Variants in DMXL1 observed in about 807,000 individuals in gnomAD.
The protein encoded by DMXL1 is dmX-like protein 1.
A neutral mutation model predicts 319.2 loss-of-function variants in DMXL1; 99 were observed. The ratio of observed to expected loss-of-function variants is 0.31; its 90% CI spans 0.26 to 0.37. The LOEUF (loss-of-function observed/expected upper bound fraction) is 0.37. DMXL1 is among the 10% of genes least tolerant of loss of function. The pLI is 1.00. For synonymous variants in DMXL1, 1,385 were observed against 1,235.2 expected (o/e 1.12, Z -2.54); for missense variants, 3,745 against 3,595.6 (o/e 1.04, Z -1.06).
In DMXL1 at chr5:119,197,898, G is replaced by T; in HGVS notation, c.7687G>T (p.Ala2563Ser). ...TCATACCGCCGAAGAGAGTTTGTCT[G>T]CAGGTCCTGCAATTCTTCGCCACAA... Reference protein sequence around the residue: ...ASHTAEESLSAGPAILRHKAL... With the variant: ...ASHTAEESLSSGPAILRHKAL... Residue 2563 changes from alanine (A) to serine (S), a missense_variant, in exon 32 of 44, where the codon GCA becomes TCA. By Grantham distance (99) the Ala-to-Ser change is moderately conservative (BLOSUM62 1). This residue lies in a region of DMXL1 where 1,382 missense variants were observed against 1,269.5 expected (regional missense o/e 1.09). Coordinates refer to ENST00000539542, the MANE Select transcript of DMXL1 (RefSeq NM_001290321.3). 1.2e-6 allele frequency: 2 copies of T among 1,614,192 alleles called. No individual in the cohort carries two copies. The highest frequency in any genetic ancestry group is 1.7e-6 in the Non-Finnish European group (2 of 1,180,030).
rs763567401 is a variant in DMXL1 at position 119,197,907 on chromosome 5, G to T, written c.7696G>T (p.Ala2566Ser). ...CGAAGAGAGTTTGTCTGCAGGTCCT[G>T]CAATTCTTCGCCACAAAGCTTTACT... ...TAEESLSAGP[A>S]ILRHKALLEP... Residue 2566 changes from alanine to serine, a missense_variant, in exon 32 of 44, where the codon GCA becomes TCA. By Grantham distance (99) the Ala-to-Ser change is moderately conservative. This residue lies in a region of DMXL1 where 1,382 missense variants were observed against 1,269.5 expected (regional missense o/e 1.09). Transcript: ENST00000539542. The T allele has an allele frequency of 1.2e-6, 2 of 1,614,148 alleles. No homozygotes were observed. The highest frequency in any genetic ancestry group is 1.7e-6 in the Non-Finnish European group (2 of 1,180,022).
Position 119,089,999 on chromosome 5 carries a change from C to CTTTTTTTT in DMXL1, c.88-7949_88-7942dup, listed in dbSNP as rs70982467. On this transcript the variant is annotated intron_variant, in intron 1 of 43. Coordinates refer to ENST00000539542, the MANE Select transcript of DMXL1 (RefSeq NM_001290321.3). ...TGATTATTTTATGCTTCGGGTTAGT[C>CTTTTTTTT]TTTTTTTTTTTTTTTTTTTTTTTTT... is the stretch of plus-strand genomic sequence containing the variant. Among the ~76,000 whole-genome samples, 151 of 34,396 alleles carry CTTTTTTTT rather than the reference C, an allele frequency of 4.4e-3. 50 individuals carry two copies. Among genetic ancestry groups the CTTTTTTTT allele is most frequent in the East Asian group, 7.6e-3 (5 of 656 alleles). The allele number at this position is 34,396 out of a possible 152,430, so 22.6% of individuals were successfully genotyped here. A position where few individuals can be genotyped will look rare whatever the true frequency, so the allele number is the denominator to read the frequency against.
intron 9 of DMXL1, among the ~76,000 whole-genome samples, chr5:119,124,971 A>G (rs926144855): frequency 3.3e-5 from 5 of 152,224 alleles, no homozygotes; most frequent in African/African-American, 1.2e-4. Flanking sequence ...TAGACATTTT[A>G]TCATGTGAAT....
Position 119,118,904 on chromosome 5 carries a change from T to C in DMXL1, c.833T>C (p.Leu278Pro), listed in dbSNP as rs200933738. The change falls in exon 8 of 44, where the codon CTA (leucine) becomes CCA (proline). Residue 278 changes from leucine to proline, a missense_variant. Leu to Pro is a moderately conservative substitution (Grantham distance 98). Coordinates refer to ENST00000539542, the MANE Select transcript of DMXL1 (RefSeq NM_001290321.3). ...ACATTTTTACCAAATGATTGTTTGC[T>C]ATACGGAGGTGACTGCAGCCATTGG... The part of the protein sequence containing the change: ...VETFLPNDCL[L>P]YGGDCSHWTE... 5.8e-4 allele frequency: 932 copies of C among 1,613,974 alleles called. 11 individuals carry two copies. The highest frequency in any genetic ancestry group is 3.8e-3 in the South Asian group (343 of 91,068).
chr5:119,094,010 T>G (rs886197408), intron 1 of DMXL1, among the ~76,000 whole-genome samples: 6 of 152,252 alleles, frequency 3.9e-5, no homozygotes, highest in African/African-American at 1.4e-4. Context: ...GTCATCTTTA[T>G]AACCTATAAG....
chr5:119,078,520 A>C (rs1751491703), intron 1 of DMXL1, among the ~76,000 whole-genome samples: 1 of 152,144 alleles, frequency 6.6e-6, no homozygotes, highest in Admixed American at 6.5e-5. Flanking sequence ...GTGGGATCAC[A>C]GCTCACTGCA....
At chr5:119,233,912 G>C (rs1787235636) in intron 39 of DMXL1, among the ~76,000 whole-genome samples, 1 of 152,052 alleles carries the variant, frequency 6.6e-6, no homozygotes, top group Non-Finnish European at 1.5e-5. Context: ...TTTTTTAAGA[G>C]GTACTGCTCC....
At chr5:119,086,496 T>A (rs1285836267) in intron 1 of DMXL1, among the ~76,000 whole-genome samples, 2 of 152,208 alleles carry the variant, frequency 1.3e-5, no homozygotes, top group Non-Finnish European at 2.9e-5. Context: ...TGATATGGGC[T>A]TGTAGTTTTT....
chr5:119,154,432 A>T (rs1219918720), intron 19 of DMXL1, among the ~76,000 whole-genome samples: 1 of 152,240 alleles, frequency 6.6e-6, no homozygotes, highest in African/African-American at 2.4e-5. Flanking sequence ...TATGTGGAGA[A>T]AGTTTGAGTG....
At chr5:119,178,713 G>C (rs1434164999) in intron 28 of DMXL1, 9 of 938,786 alleles carry the variant, frequency 9.6e-6, no homozygotes, top group Non-Finnish European at 1.1e-5. Context: ...TTAGAAATAG[G>C]CTTTTATCAT....
chr5:119,127,506 A>G (rs920492173), intron 9 of DMXL1, among the ~76,000 whole-genome samples: 2 of 152,172 alleles, frequency 1.3e-5, no homozygotes, highest in Middle Eastern at 3.2e-3. Context: ...GCAGTGACCG[A>G]TAGCTCACTG....
chr5:119,153,391 C>A (rs190416435), intron 19 of DMXL1, among the ~76,000 whole-genome samples: 8 of 152,270 alleles, frequency 5.3e-5, no homozygotes, highest in African/African-American at 1.9e-4. Flanking sequence ...TTAAGTCAAA[C>A]TAAACATATC....
At chr5:119,220,628 G>A (rs1784488306) in intron 36 of DMXL1, 35 bp downstream of exon 36, 2 of 1,599,774 alleles carry the variant, frequency 1.3e-6, no homozygotes, top group African/African-American at 1.3e-5. Flanking sequence ...TAGTAATGTT[G>A]CAATATGAGT....
chr5:119,143,946 G>C lies in DMXL1; in HGVS notation c.2466+16G>C, dbSNP rs569118471. The C allele has an allele frequency of 6.8e-7, 1 of 1,474,496 alleles. No individual in the cohort carries two copies. The highest frequency in any genetic ancestry group is 2.4e-5 in the East Asian group (1 of 41,986). The allele number at this position is 1,474,496 out of a possible 1,614,324, so 91.3% of individuals were successfully genotyped here. A position where few individuals can be genotyped will look rare whatever the true frequency, so the allele number is the denominator to read the frequency against. On this transcript the variant is annotated intron_variant, in intron 14 of 43. Transcript: ENST00000539542. Reference sequence around the variant, plus strand: ...TACCAAACTTGTAAGTATTAATTTTGGGGGGGAGGTATATTAAAAAAAAGT... The same window carrying C: ...TACCAAACTTGTAAGTATTAATTTTCGGGGGGAGGTATATTAAAAAAAAGT...
intron 38 of DMXL1, among the ~76,000 whole-genome samples, chr5:119,230,862 A>G (rs956027927): frequency 6.6e-6 from 1 of 152,218 alleles, no homozygotes; most frequent in African/African-American, 2.4e-5. Flanking sequence ...AGCCTGGGCA[A>G]CAGAACAAGA....
At chr5:119,141,544 A>AG (rs879105067) in intron 13 of DMXL1, among the ~76,000 whole-genome samples, 1 of 152,158 alleles carries the variant, frequency 6.6e-6, no homozygotes, top group Non-Finnish European at 1.5e-5. Context: ...ACAGCTATCC[A>AG]GGGGGGTGGA....
At chr5:119,105,701 G>A (rs1046589832) in intron 4 of DMXL1, among the ~76,000 whole-genome samples, 5 of 151,996 alleles carry the variant, frequency 3.3e-5, no homozygotes, top group African/African-American at 4.8e-5. Flanking sequence ...TTCAAGACCC[G>A]CCTGACCAAC....
chr5:119,199,052 A>G (rs1240488732), intron 32 of DMXL1, among the ~76,000 whole-genome samples: 1 of 151,944 alleles, frequency 6.6e-6, no homozygotes. Flanking sequence ...ATGCCCAGCT[A>G]ATTTTTTGTA....
chr5:119,214,876 T>C (rs1008329480), intron 34 of DMXL1, among the ~76,000 whole-genome samples: 4 of 152,198 alleles, frequency 2.6e-5, no homozygotes, highest in Admixed American at 6.5e-5. Flanking sequence ...GAAACTGGTA[T>C]GATGCCCTAT....
Sources: allele counts gnomAD v4.1 joint callset (sites outside exome capture counted in the v4.1 genomes callset), GRCh38; gene constraint gnomAD v4.1.1; regional missense constraint gnomAD v4.1.1; transcripts MANE v1.5; gene names NCBI Gene and HGNC (gene_info 2026-07-23, HGNC 2026-07-21).